Variants in MAGI2 observed in about 807,000 individuals in gnomAD.
MAGI2 encodes membrane associated guanylate kinase, WW and PDZ domain containing 2, also known as membrane-associated guanylate kinase, WW and PDZ domain-containing protein 2.
Under a neutral mutation model 133.3 loss-of-function variants are expected in MAGI2, and 35 were observed. The ratio of observed to expected loss-of-function variants is 0.26; its 90% CI spans 0.20 to 0.35. The LOEUF is 0.35. Ranked by LOEUF, MAGI2 falls within the 10% of genes least tolerant of loss-of-function variation. The pLI is 1.00. For synonymous variants in MAGI2, 729 were observed against 710.6 expected (o/e 1.03, Z -0.41); for missense variants, 1,636 against 1,863.4 (o/e 0.88, Z 2.25).
intron 1 of MAGI2, among the ~76,000 whole-genome samples, chr7:79,182,656 C>T (rs1826723245): frequency 6.6e-6 from 1 of 151,784 alleles, no homozygotes; most frequent in Non-Finnish European, 1.5e-5. Flanking sequence ...AATAGAAGTA[C>T]CATACAATCT....
intron 2 of MAGI2, 70 bp downstream of exon 2, chr7:79,007,020 T>C (rs1218088886): frequency 8.7e-7 from 1 of 1,146,830 alleles, no homozygotes; most frequent in Admixed American, 2.7e-5. Context: ...CACTTTCTTT[T>C]AATCAATGAA....
intron 21 of MAGI2, among the ~76,000 whole-genome samples, chr7:78,058,196 T>C (rs1406085673): frequency 6.6e-6 from 1 of 151,840 alleles, no homozygotes; most frequent in Admixed American, 6.6e-5. Context: ...CATAGTACAA[T>C]GATTGTGTCT....
In MAGI2 at chr7:78,955,160, G is replaced by A. The variant is rs373736368; in HGVS notation, c.418+51930C>T. On this transcript the variant is annotated intron_variant, in intron 2 of 21. Transcript: ENST00000354212. ...CTTAATGAGACCATTTCATAATGAC[G>A]GTATTTAGTATCTTAATAAATTATA... Among the ~76,000 whole-genome samples the A allele has an allele frequency of 2.0e-5, 3 of 151,752 alleles. No individual in the cohort carries two copies. The South Asian group carries it at 6.2e-4, about 32-fold the overall frequency.
rs1369650962 is a variant in MAGI2 at position 79,297,584 on chromosome 7, A to G, written c.301+155436T>C. Among the ~76,000 whole-genome samples, 3 of 152,340 alleles carry G rather than the reference A, an allele frequency of 2.0e-5. No individual in the cohort carries two copies. In the East Asian group the frequency reaches 5.8e-4, roughly 29 times the overall value. ...CCCAGTACTCTTCTAGTTGATGGGA[A>G]CAGAATCACGAATCAAAAGGTCTAT... is the stretch of plus-strand genomic sequence containing the variant. On this transcript the variant is annotated intron_variant, in intron 1 of 21. Transcript: ENST00000354212.
chr7:79,429,981 G>T (rs1847666732), intron 1 of MAGI2, among the ~76,000 whole-genome samples: 1 of 152,140 alleles, frequency 6.6e-6, no homozygotes, highest in South Asian at 2.1e-4. Context: ...GATGAAAAAT[G>T]TTCCCATCAA....
At chr7:78,811,495 A>G (rs530388950) in intron 2 of MAGI2, among the ~76,000 whole-genome samples, 13 of 152,006 alleles carry the variant, frequency 8.6e-5, no homozygotes, top group African/African-American at 2.9e-4. Context: ...ATGAATATAC[A>G]TTTTTCTTAG....
chr7:78,685,842 T>G (rs1214023683), intron 2 of MAGI2, among the ~76,000 whole-genome samples: 1 of 152,142 alleles, frequency 6.6e-6, no homozygotes, highest in Non-Finnish European at 1.5e-5. Context: ...ATTGTTATTC[T>G]GACCCCTTGG....
intron 2 of MAGI2, among the ~76,000 whole-genome samples, chr7:78,876,803 G>A (rs1437441362): frequency 6.6e-6 from 1 of 152,120 alleles, no homozygotes; most frequent in African/African-American, 2.4e-5. Context: ...AAAGGCTATG[G>A]AATTTTGCTC....
At chr7:78,644,064 G>T (rs1309857730) in intron 2 of MAGI2, among the ~76,000 whole-genome samples, 1 of 151,860 alleles carries the variant, frequency 6.6e-6, no homozygotes, top group African/African-American at 2.4e-5. Context: ...TTAGAGCAAA[G>T]AACATTAACA....
chr7:79,175,893 C>T (rs1282773453), intron 1 of MAGI2, among the ~76,000 whole-genome samples: 1 of 151,934 alleles, frequency 6.6e-6, no homozygotes, highest in Non-Finnish European at 1.5e-5. Context: ...AAGCATTTCC[C>T]TAGTCATTTT....
At chr7:78,478,511 A>T (rs1792014148) in intron 6 of MAGI2, among the ~76,000 whole-genome samples, 1 of 151,980 alleles carries the variant, frequency 6.6e-6, no homozygotes, top group African/African-American at 2.4e-5. Context: ...ATCTCTACCT[A>T]CATCACAGAG....
chr7:78,957,043 C>T (rs1355165181), intron 2 of MAGI2, among the ~76,000 whole-genome samples: 1 of 151,954 alleles, frequency 6.6e-6, no homozygotes, highest in Admixed American at 6.6e-5. Flanking sequence ...GTGGGTGGAT[C>T]ACCTGAGGTT....
intron 6 of MAGI2, among the ~76,000 whole-genome samples, chr7:78,434,661 T>C (rs1245998815): frequency 6.6e-6 from 1 of 152,134 alleles, no homozygotes; most frequent in Non-Finnish European, 1.5e-5. Flanking sequence ...CAGTAGAATT[T>C]AGAGTAGGGC....
intron 7 of MAGI2, among the ~76,000 whole-genome samples, chr7:78,348,937 A>G (rs115859281): frequency 0.011 from 1,688 of 152,326 alleles, 39 homozygotes; most frequent in African/African-American, 0.039. Context: ...AGAGAAACCA[A>G]TTATACTATT....
Position 79,453,054 on chromosome 7 carries a change from G to C in MAGI2, c.267C>G (p.Cys89Trp), listed in dbSNP as rs774205850. 6.2e-7 allele frequency: 1 copy of C among 1,609,326 alleles called. No homozygotes were observed. ...IRDVLAVIKHCKDPLRLKCVK... is the reference protein window; with the variant it reads ...IRDVLAVIKHWKDPLRLKCVK... ...CACACTTGAGCCGGAGGGGGTCCTT[G>C]CAGTGTTTGATCACGGCCAGCACGT... is the stretch of plus-strand genomic sequence containing the variant. The change falls in exon 1 of 22, where the codon TGC (cysteine) becomes TGG (tryptophan). Residue 89 changes from cysteine to tryptophan, a missense_variant. By Grantham distance (215) the Cys-to-Trp change is radical (BLOSUM62 -2). Transcript: ENST00000354212.
At chr7:78,441,833 C>T (rs558611592) in intron 6 of MAGI2, among the ~76,000 whole-genome samples, 105 of 152,178 alleles carry the variant, frequency 6.9e-4, no homozygotes, top group Non-Finnish European at 1.3e-3. Context: ...TTAGATATAC[C>T]TGTTGCAGAC....
chr7:78,470,169 A>C (rs930063066), intron 6 of MAGI2, among the ~76,000 whole-genome samples: 1 of 152,148 alleles, frequency 6.6e-6, no homozygotes, highest in East Asian at 1.9e-4. Flanking sequence ...AGTGCCTAGC[A>C]TGACACTGGT....
chr7:78,412,335 G>A (rs1313006233), intron 6 of MAGI2, among the ~76,000 whole-genome samples: 1 of 152,006 alleles, frequency 6.6e-6, no homozygotes, highest in Non-Finnish European at 1.5e-5. Flanking sequence ...AGACAGACAG[G>A]CAAACAGCCA....
At chr7:78,602,959 G>A (rs1395639610) in intron 3 of MAGI2, among the ~76,000 whole-genome samples, 1 of 152,128 alleles carries the variant, frequency 6.6e-6, no homozygotes, top group African/African-American at 2.4e-5. Context: ...TTACAATAAT[G>A]GGGAAAGTTA....
Sources: allele counts gnomAD v4.1 joint callset (sites outside exome capture counted in the v4.1 genomes callset), GRCh38; gene constraint gnomAD v4.1.1; transcripts MANE v1.5; gene names NCBI Gene and HGNC (gene_info 2026-07-23, HGNC 2026-07-21).